The following FUCA1 variants were observed in gnomAD, a reference collection of about 807,000 sequenced individuals.
FUCA1 encodes the protein alpha-L-fucosidase 1, also known as tissue alpha-L-fucosidase.
A neutral mutation model predicts 56.8 loss-of-function variants in FUCA1; 52 were observed. That is an observed-to-expected ratio of 0.92 (90% CI 0.73 to 1.15). The LOEUF is 1.15. Ranked by LOEUF, FUCA1 falls within the 50% of genes most tolerant of loss-of-function variation. FUCA1 has a pLI of 0.00. For missense variants in FUCA1, 568 were observed against 592.6 expected, an observed-to-expected ratio of 0.96 and a Z score of 0.43; for synonymous variants, 230 against 226.6, an observed-to-expected ratio of 1.02 and a Z score of -0.14.
At chr1:23,861,967 G>C (rs796413437) in intron 3 of FUCA1, among the ~76,000 whole-genome samples, 79 of 152,230 alleles carry the variant, frequency 5.2e-4, no homozygotes, top group African/African-American at 1.8e-3. Flanking sequence ...CATGATTCTA[G>C]GATATACTAT....
chr1:23,845,130 A>C lies in FUCA1; in HGVS notation c.*585T>G, dbSNP rs1275487493. ...CAAATTTTTTATTTGATCATACTTA[A>C]AAAGACAGAGCAGAATCACATTCAT... On this transcript the variant is annotated 3_prime_UTR_variant, in exon 8 of 8. Coordinates refer to ENST00000374479, the MANE Select transcript of FUCA1 (RefSeq NM_000147.5). 1 of 157,612 alleles carries C rather than the reference A, an allele frequency of 6.3e-6. No individual in the cohort carries two copies. Among genetic ancestry groups the C allele is most frequent in the Non-Finnish European group, 1.4e-5 (1 of 70,998 alleles). 9.8% of individuals were successfully genotyped at this position (157,612 alleles called of 1,614,324 possible).
intron 6 of FUCA1, among the ~76,000 whole-genome samples, chr1:23,846,515 C>A (rs1019439436): frequency 2.6e-5 from 4 of 152,086 alleles, no homozygotes; most frequent in African/African-American, 4.8e-5. Context: ...AAGTGATCCA[C>A]CTGCATTGGC....
At chr1:23,857,717 G>C (rs953486008) in intron 4 of FUCA1, among the ~76,000 whole-genome samples, 1 of 151,770 alleles carries the variant, frequency 6.6e-6, no homozygotes, top group Non-Finnish European at 1.5e-5. Flanking sequence ...GCCCAGGCTG[G>C]AGTGCAGTGG....
intron 5 of FUCA1, among the ~76,000 whole-genome samples, chr1:23,853,681 AG>A (rs1639326861): frequency 6.7e-6 from 1 of 150,136 alleles, no homozygotes; most frequent in Non-Finnish European, 1.5e-5. Context: ...GTGTAGAAAG[AG>A]GTAGACACGG....
At chr1:23,864,706 C>CTTTTTTT (rs563678936) in intron 2 of FUCA1, among the ~76,000 whole-genome samples, 1 of 138,542 alleles carries the variant, frequency 7.2e-6, no homozygotes, top group African/African-American at 2.6e-5. Context: ...TGTCTTTTTT[C>CTTTTTTT]TTTTTTTTTT....
Position 23,845,570 on chromosome 1 carries a change from A to G in FUCA1, c.*145T>C. 1 of 899,882 alleles carries G rather than the reference A, an allele frequency of 1.1e-6. No homozygotes were observed. Among genetic ancestry groups the G allele is most frequent in the Non-Finnish European group, 1.8e-6 (1 of 546,008 alleles). The allele number at this position is 899,882 out of a possible 1,614,324, so 55.7% of individuals were successfully genotyped here. Reference sequence around the variant, plus strand: ...GTCCATTTAGACATCAGGGTAATGTACTCAGTTCCTTTAATTAAAATGTGT... The same window carrying G: ...GTCCATTTAGACATCAGGGTAATGTGCTCAGTTCCTTTAATTAAAATGTGT... On this transcript the variant is annotated 3_prime_UTR_variant, in exon 8 of 8. Coordinates refer to ENST00000374479, the MANE Select transcript of FUCA1 (RefSeq NM_000147.5).
Position 23,863,148 on chromosome 1 carries a change from G to A in FUCA1, c.648C>T (p.Tyr216=), listed in dbSNP as rs80358198. The A allele has an allele frequency of 3.3e-4, 532 of 1,613,766 alleles. No homozygotes were observed. The African/African-American group carries it at 3.4e-3, about 10-fold the overall frequency. The change falls in exon 3 of 8, where the codon TAC becomes TAT. Residue 216 remains tyrosine, a synonymous_variant. Coordinates refer to ENST00000374479, the MANE Select transcript of FUCA1 (RefSeq NM_000147.5). ...CAGTGTCTTACCTGTTAACAAGGTC[G>A]TACAGCTCTGGCATTGTTTTTGCAC... ...FVSAKTMPEL[Y]DLVNSYKPDL... is the part of the protein sequence containing the mutation.
rs1639659094 is a variant in FUCA1 at position 23,867,956 on chromosome 1, T to A, written c.331A>T (p.Thr111Ser). ...TCCTCCGGGTGGAAGAAGCGCGCAG[T>A]GAACTGCGGTCCGAAGTCGGCGTAG... ...FSYADFGPQF[T>S]ARFFHPEEWA... Residue 111 changes from threonine to serine, a missense_variant, in exon 1 of 8, where the codon ACT becomes TCT. Transcript: ENST00000374479. The surrounding 1 kb of genome is among the most constrained non-coding windows in gnomAD (Gnocchi z 4.9). 2 of 1,581,846 alleles carry A rather than the reference T, an allele frequency of 1.3e-6. No homozygotes were observed. The highest frequency in any genetic ancestry group is 2.7e-5 in the African/African-American group (2 of 74,464).
chr1:23,857,009 A>G (rs761092428), intron 4 of FUCA1, among the ~76,000 whole-genome samples: 8 of 150,992 alleles, frequency 5.3e-5, no homozygotes, highest in Non-Finnish European at 1.0e-4. Context: ...AAAGAAAAGA[A>G]AAAAAAAAGC....
chr1:23,858,982 A>G (rs907146505), intron 4 of FUCA1, among the ~76,000 whole-genome samples: 1 of 151,870 alleles, frequency 6.6e-6, no homozygotes, highest in African/African-American at 2.4e-5. Context: ...AGGTCTCACT[A>G]CGTTGCCCAG....
chr1:23,867,834 C>A lies in FUCA1; in HGVS notation c.389+64G>T. The A allele has an allele frequency of 6.7e-7, 1 of 1,490,226 alleles. No homozygotes were observed. The highest frequency in any genetic ancestry group is 8.9e-7 in the Non-Finnish European group (1 of 1,126,244). 92.3% of individuals were successfully genotyped at this position (1,490,226 alleles called of 1,614,324 possible). A position where few individuals can be genotyped will look rare whatever the true frequency, so the allele number is the denominator to read the frequency against. ...CAGCTGCGCGCCCCAGCTGGCCGCCCAGCCCCACCTCCTGTTTGCCGCCCG... is the reference window on the plus strand; with the variant it reads ...CAGCTGCGCGCCCCAGCTGGCCGCCAAGCCCCACCTCCTGTTTGCCGCCCG... On this transcript the variant is annotated intron_variant, in intron 1 of 7. Coordinates refer to ENST00000374479, the MANE Select transcript of FUCA1 (RefSeq NM_000147.5). This position sits in a 1 kb window ranked among gnomAD's most constrained non-coding sequence, Gnocchi z 4.9.
chr1:23,853,222 A>C (rs1639308983), intron 5 of FUCA1, among the ~76,000 whole-genome samples: 1 of 148,328 alleles, frequency 6.7e-6, no homozygotes, highest in Admixed American at 6.7e-5. Flanking sequence ...CTGAGAAGTG[A>C]GGAAACCCTC....
Position 23,867,475 on chromosome 1 carries a change from T to C in FUCA1, c.389+423A>G, listed in dbSNP as rs3003621. On this transcript the variant is annotated intron_variant, in intron 1 of 7. Coordinates refer to ENST00000374479, the MANE Select transcript of FUCA1 (RefSeq NM_000147.5). The surrounding 1 kb of genome is among the most constrained non-coding windows in gnomAD (Gnocchi z 4.9). Reference sequence around the variant, plus strand: ...GGGCTCAAAGGGTTGTATCCTTATATAACCCCTTTCTACAACCATAGAAGA... The same window carrying C: ...GGGCTCAAAGGGTTGTATCCTTATACAACCCCTTTCTACAACCATAGAAGA... Among the ~76,000 whole-genome samples, 16,310 of 152,232 alleles carry C rather than the reference T, an allele frequency of 0.11. 973 individuals carry two copies. Among genetic ancestry groups the C allele is most frequent in the East Asian group, 0.21 (1,080 of 5,170 alleles).
At chr1:23,862,690 A>G (rs1051055486) in intron 3 of FUCA1, among the ~76,000 whole-genome samples, 21 of 152,364 alleles carry the variant, frequency 1.4e-4, no homozygotes, top group African/African-American at 4.6e-4. Flanking sequence ...TACATTTCAC[A>G]TACTATTCTG....
rs1386018397 is a variant in FUCA1 at position 23,867,981 on chromosome 1, G to T, written c.306C>A (p.Ser102Arg). The T allele has an allele frequency of 6.3e-7, 1 of 1,599,544 alleles. No individual in the cohort carries two copies. Among genetic ancestry groups the T allele is most frequent in the Admixed American group, 1.7e-5 (1 of 57,370 alleles). ...TGAACTGCGGTCCGAAGTCGGCGTA[G>T]CTGAAGCCGGGCGGGTAGTTGTCGC... Reference protein sequence around the residue: ...FMRDNYPPGFSYADFGPQFTA... With the variant: ...FMRDNYPPGFRYADFGPQFTA... Residue 102 changes from serine to arginine, a missense_variant, in exon 1 of 8, where the codon AGC (serine) becomes AGA (arginine). By Grantham distance (110) the Ser-to-Arg change is moderately radical (BLOSUM62 -1). Transcript: ENST00000374479. This position sits in a 1 kb window ranked among gnomAD's most constrained non-coding sequence, Gnocchi z 4.9.
At chr1:23,857,981 C>A (rs1008963496) in intron 4 of FUCA1, among the ~76,000 whole-genome samples, 2 of 150,266 alleles carry the variant, frequency 1.3e-5, no homozygotes, top group African/African-American at 4.9e-5. Context: ...GAAAACCACT[C>A]TTAATCTGTC....
chr1:23,859,933 A>C (rs1388426753), intron 3 of FUCA1, 30 bp from the exon 4 acceptor site: 3 of 1,412,446 alleles, frequency 2.1e-6, no homozygotes, highest in Non-Finnish European at 3.0e-6. Context: ...GACAGAGCTT[A>C]TTATCTGAAC....
At chr1:23,863,322 T>C in intron 2 of FUCA1, 51 bp from the exon 3 acceptor site, 1 of 1,587,600 alleles carries the variant, frequency 6.3e-7, no homozygotes, top group Non-Finnish European at 8.6e-7. Context: ...GAACAAATAA[T>C]TTATTTTAAG....
intron 5 of FUCA1, among the ~76,000 whole-genome samples, chr1:23,850,042 T>C (rs1639224592): frequency 1.3e-5 from 2 of 151,986 alleles, no homozygotes; most frequent in Non-Finnish European, 2.9e-5. Context: ...CAGACAGGCA[T>C]GGTGGATCAC....
Sources: gnomAD v4.1 joint callset for allele counts (sites outside exome capture counted in the v4.1 genomes callset) on GRCh38, gnomAD v4.1.1 for gene constraint, Gnocchi (gnomAD v3.1) non-coding constraint, MANE v1.5 for transcripts, NCBI Gene and HGNC (gene_info 2026-07-23, HGNC 2026-07-21) for gene names.